Variants in PDE6B observed in about 807,000 individuals in gnomAD.
PDE6B encodes phosphodiesterase 6B.
A neutral mutation model predicts 109.0 loss-of-function variants in PDE6B; 106 were observed. That is an observed-to-expected ratio of 0.97 (90% CI 0.83 to 1.14). The LOEUF is 1.14. Among genes scored for constraint, PDE6B ranks in the 50% most tolerant of loss-of-function variants. The probability of loss-of-function intolerance (pLI) is 0.00; values close to 1 mark genes in which losing one functional copy is unlikely to be tolerated. For synonymous variants in PDE6B, 490 were observed against 471.3 expected (o/e 1.04, Z -0.51); for missense variants, 1,193 against 1,155.6 (o/e 1.03, Z -0.47).
In PDE6B at chr4:625,991, G is replaced by A. The variant is rs1313437038; in HGVS notation, c.365G>A (p.Cys122Tyr). 6 of 1,583,260 alleles carry A rather than the reference G, an allele frequency of 3.8e-6. No homozygotes were observed. In the African/African-American group the frequency reaches 6.7e-5, roughly 18 times the overall value. ...SVQPDSVLED[C>Y]LVPPDSEIVF... ...CAGCCGGACAGCGTCCTGGAGGACT[G>A]CCTGGTGCCCCCCGACTCCGAGATC... is the stretch of plus-strand genomic sequence containing the variant. Residue 122 changes from cysteine to tyrosine, a missense_variant, in exon 1 of 22, where the codon TGC becomes TAC. Cys to Tyr is a radical substitution (Grantham distance 194, BLOSUM62 -2). Transcript: ENST00000496514. This position sits in a 1 kb window ranked among gnomAD's most constrained non-coding sequence, Gnocchi z 5.0.
rs1234358665 is a variant in PDE6B, at chr4:665,516, G to C, written c.2268+187G>C. Among the ~76,000 whole-genome samples, 2 of 152,156 alleles carry C rather than the reference G, an allele frequency of 1.3e-5. No homozygotes were observed. Among genetic ancestry groups the C allele is most frequent in the African/African-American group, 2.4e-5 (1 of 41,434 alleles). On this transcript the variant is annotated intron_variant, in intron 19 of 21. Coordinates refer to ENST00000496514, the MANE Select transcript of PDE6B (RefSeq NM_000283.4). This position sits in a 1 kb window ranked among gnomAD's most constrained non-coding sequence, Gnocchi z 4.0. The stretch of plus-strand genomic sequence containing the variant: ...TCGGACCTGGGTACAGCTGTGGCTT[G>C]GGTGATGCTTATGCAGAGGTGACGT...
intron 21 of PDE6B, 126 bp downstream of exon 21, chr4:668,132 G>A: frequency 1.1e-6 from 1 of 952,192 alleles, no homozygotes; most frequent in Admixed American, 2.2e-5. Flanking sequence ...CCTCGAGGTG[G>A]ACAGGGCCAC....
chr4:634,529 T>G, intron 1 of PDE6B, 148 bp from the exon 2 acceptor site: 1 of 772,808 alleles, frequency 1.3e-6, no homozygotes, highest in Non-Finnish European at 2.4e-6. Flanking sequence ...CACCGCCCGG[T>G]GGCCACATCC....
At chr4:643,607 G>T (rs897678017) in intron 3 of PDE6B, among the ~76,000 whole-genome samples, 6 of 152,110 alleles carry the variant, frequency 3.9e-5, no homozygotes, top group Non-Finnish European at 8.8e-5. Context: ...GAACTCTTCA[G>T]ATTCTTCTAA....
At chr4:644,159 T>G (rs1425494836) in intron 3 of PDE6B, among the ~76,000 whole-genome samples, 1 of 151,806 alleles carries the variant, frequency 6.6e-6, no homozygotes, top group Non-Finnish European at 1.5e-5. Context: ...CCTCGTGATC[T>G]GCCCGCCTCG....
intron 1 of PDE6B, among the ~76,000 whole-genome samples, chr4:630,631 A>G (rs1262822207): frequency 1.3e-5 from 2 of 152,374 alleles, no homozygotes; most frequent in African/African-American, 4.8e-5. Context: ...AGCTGCTCGC[A>G]GAAGCCTGAC....
At chr4:653,439 G>A (rs912661772) in intron 3 of PDE6B, 19 of 783,284 alleles carry the variant, frequency 2.4e-5, no homozygotes, top group African/African-American at 2.4e-4. Context: ...ACTCTCAGAC[G>A]CTTGGCGGAG....
Position 653,908 on chromosome 4 carries a change from G to T in PDE6B, c.768G>T (p.Gln256His). 3 of 1,613,938 alleles carry T rather than the reference G, an allele frequency of 1.9e-6. No homozygotes were observed. The highest frequency in any genetic ancestry group is 2.5e-6 in the Non-Finnish European group (3 of 1,180,002). The change falls in exon 4 of 22, where the codon CAG (glutamine) becomes CAT (histidine). Residue 256 changes from glutamine (Q) to histidine (H), a missense_variant. Physicochemically the swap from Gln to His is conservative, Grantham distance 24. Transcript: ENST00000496514. ...VFEELTDIER[Q>H]FHKAFYTVRA... ...AGGAGCTGACGGACATCGAGAGGCAGTTCCACAAGGCCTTCTACACGGTGC... is the reference window on the plus strand; with the variant it reads ...AGGAGCTGACGGACATCGAGAGGCATTTCCACAAGGCCTTCTACACGGTGC...
At position 670,345 on chromosome 4, in the gene PDE6B, C is replaced by T. The variant is rs534079818; in HGVS notation, c.*238C>T. ...GCAACCTCCACCTCCCAGGTTCAAG[C>T]GATTCTCGTGCCTCAGCCTCCTGAG... is the stretch of plus-strand genomic sequence containing the variant. On this transcript the variant is annotated 3_prime_UTR_variant, in exon 22 of 22. Coordinates refer to ENST00000496514, the MANE Select transcript of PDE6B (RefSeq NM_000283.4). 35 of 464,862 alleles carry T rather than the reference C, an allele frequency of 7.5e-5. 1 individual carries two copies. The highest frequency in any genetic ancestry group is 3.2e-4 in the South Asian group (15 of 46,340). 28.8% of individuals were successfully genotyped at this position (464,862 alleles called of 1,614,324 possible).
In PDE6B at chr4:669,815, G is replaced by C. The variant is rs958384522; in HGVS notation, c.2504-231G>C. Among the ~76,000 whole-genome samples the C allele has an allele frequency of 2.0e-5, 3 of 151,228 alleles. No individual in the cohort carries two copies. In the Admixed American group the frequency reaches 2.0e-4, roughly 10 times the overall value. On this transcript the variant is annotated intron_variant, in intron 21 of 21. Transcript: ENST00000496514. The stretch of plus-strand genomic sequence containing the variant: ...CCGCTATCCTATGCTACATAAACAA[G>C]GCGACTTCAGGACTATGGAAGGCCA...
Position 664,156 on chromosome 4 carries a change from C to T in PDE6B, c.2064C>T (p.Asn688=). 3 of 1,612,334 alleles carry T rather than the reference C, an allele frequency of 1.9e-6. No individual in the cohort carries two copies. Among genetic ancestry groups the T allele is most frequent in the Non-Finnish European group, 8.5e-7 (1 of 1,178,586 alleles). The change falls in exon 17 of 22, where the codon AAC becomes AAT. Residue 688 remains asparagine, a synonymous_variant. Transcript: ENST00000496514. ...MFQKIVDESK[N]YQDKKSWVEY... ...AGAAGATCGTGGATGAGTCCAAGAA[C>T]TACCAGGACAAGAAGAGCTGGGTGG...
At chr4:627,154 T>G (rs1046047106) in intron 1 of PDE6B, among the ~76,000 whole-genome samples, 2 of 151,408 alleles carry the variant, frequency 1.3e-5, no homozygotes, top group Non-Finnish European at 3.0e-5. Flanking sequence ...TTGTGGGTTT[T>G]TTTTTTTTTT....
At chr4:647,409 G>A (rs982887381) in intron 3 of PDE6B, among the ~76,000 whole-genome samples, 4 of 152,002 alleles carry the variant, frequency 2.6e-5, no homozygotes, top group East Asian at 1.9e-4. Context: ...CAGCTTCCGC[G>A]CCCTTGTTTA....
chr4:665,277 AGT>A lies in PDE6B; in HGVS notation c.2217_2218del (p.Glu739AspfsTer6). On this transcript the variant is annotated frameshift_variant, in exon 19 of 22. Transcript: ENST00000496514. LOFTEE classifies it high-confidence loss of function. The surrounding 1 kb of genome is among the most constrained non-coding windows in gnomAD (Gnocchi z 4.0). ...CAGGTCGCACTTCTCGTGGCTGCTG[AGT>A]TCTGGGAGCAAGGTGACTTGGAAAG... The A allele has an allele frequency of 6.2e-7, 1 of 1,612,762 alleles. No homozygotes were observed. Among genetic ancestry groups the A allele is most frequent in the African/African-American group, 1.3e-5 (1 of 74,996 alleles).
chr4:656,975 C>G lies in PDE6B; in HGVS notation c.1209C>G (p.Asn403Lys). The G allele has an allele frequency of 6.2e-7, 1 of 1,613,292 alleles. No homozygotes were observed. The highest frequency in any genetic ancestry group is 8.5e-7 in the Non-Finnish European group (1 of 1,179,922). ...TTGTGGGAGTCGCCACATTTTACAA[C>G]AGGAAAGACGGGAAGCCCTTTGACG... Reference protein sequence around the residue: ...EEIVGVATFYNRKDGKPFDEQ... With the variant: ...EEIVGVATFYKRKDGKPFDEQ... Residue 403 changes from asparagine to lysine, a missense_variant, in exon 9 of 22, where the codon AAC (asparagine) becomes AAG (lysine). Transcript: ENST00000496514.
At chr4:645,728 T>C (rs1358822480) in intron 3 of PDE6B, among the ~76,000 whole-genome samples, 1 of 152,028 alleles carries the variant, frequency 6.6e-6, no homozygotes, top group African/African-American at 2.4e-5. Context: ...CTGGTTTTAA[T>C]TGAACGTCTT....
chr4:668,429 CGCTACCCCAT>C (rs1738047761), intron 21 of PDE6B, among the ~76,000 whole-genome samples: 1 of 140,694 alleles, frequency 7.1e-6, no homozygotes, highest in African/African-American at 2.8e-5. Context: ...ATGCTATTCC[CGCTACCCCAT>C]GCTGCTCCCA....
intron 3 of PDE6B, among the ~76,000 whole-genome samples, chr4:643,412 A>G (rs1393443802): frequency 6.6e-6 from 1 of 152,102 alleles, no homozygotes; most frequent in African/African-American, 2.4e-5. Flanking sequence ...CTATTAGGAT[A>G]ATTTTGACCT....
At position 655,891 on chromosome 4, in the gene PDE6B, G is replaced by A. The variant is rs115328178; in HGVS notation, c.993-49G>A. On this transcript the variant is annotated intron_variant, in intron 6 of 21. Coordinates refer to ENST00000496514, the MANE Select transcript of PDE6B (RefSeq NM_000283.4). ...TCCAGTCCCTCTGACTCCTGCACGC[G>A]CACATCCAGCCCGGCGTGGCCTATC... The A allele has an allele frequency of 2.9e-5, 32 of 1,091,294 alleles. No individual in the cohort carries two copies. The East Asian group carries it at 6.8e-4, about 23-fold the overall frequency. 67.6% of individuals were successfully genotyped at this position (1,091,294 alleles called of 1,614,324 possible).
Sources: gnomAD v4.1 joint callset for allele counts (sites outside exome capture counted in the v4.1 genomes callset) on GRCh38, gnomAD v4.1.1 for gene constraint, Gnocchi (gnomAD v3.1) non-coding constraint, MANE v1.5 for transcripts, NCBI Gene and HGNC (gene_info 2026-07-23, HGNC 2026-07-21) for gene names.